The following TMEM8B variants were observed in gnomAD, a reference collection of about 807,000 sequenced individuals.
TMEM8B encodes the protein nasopharyngeal carcinoma expressed 6.
Under a neutral mutation model 49.3 loss-of-function variants are expected in TMEM8B, and 29 were observed. The ratio of observed to expected loss-of-function variants is 0.59; its 90% CI spans 0.44 to 0.80. The LOEUF is 0.80. Ranked by LOEUF, TMEM8B falls within the 30% of genes least tolerant of loss-of-function variation. The probability of loss-of-function intolerance (pLI) is 0.00; values close to 1 mark genes in which losing one functional copy is unlikely to be tolerated. For synonymous variants in TMEM8B, 264 were observed against 272.8 expected, an observed-to-expected ratio of 0.97 and a Z score of 0.32; for missense variants, 575 against 658.5, an observed-to-expected ratio of 0.87 and a Z score of 1.39.
intron 1 of TMEM8B, among the ~76,000 whole-genome samples, chr9:35,834,099 T>G (rs1830200858): frequency 1.3e-5 from 2 of 151,276 alleles, no homozygotes; most frequent in Admixed American, 1.3e-4. Context: ...TTTTTAGGTT[T>G]GGTAAGTGGA....
chr9:35,842,697 C>T lies in TMEM8B; in HGVS notation c.1615C>T (p.Leu539=), dbSNP rs201144289. The T allele has an allele frequency of 8.7e-6, 14 of 1,613,324 alleles. No homozygotes were observed. The Admixed American group carries it at 1.7e-4, about 19-fold the overall frequency. ...PVLDSGGVLS[L]ELQLNASSVR... is the part of the protein sequence containing the mutation. ...GCTGGACAGTGGAGGCGTCCTCAGC[C>T]TGGAGCTCCAGCTCAATGCGGTACT... The change falls in exon 6 of 13, where the codon CTG becomes TTG. Residue 539 remains leucine (L), a synonymous_variant. Transcript: ENST00000643932. This position sits in a 1 kb window ranked among gnomAD's most constrained non-coding sequence, Gnocchi z 5.6.
chr9:35,846,003 T>C lies in TMEM8B; in HGVS notation c.1664T>C (p.Val555Ala). 2 of 1,613,388 alleles carry C rather than the reference T, an allele frequency of 1.2e-6. No homozygotes were observed. Among genetic ancestry groups the C allele is most frequent in the East Asian group, 4.5e-5 (2 of 44,848 alleles). Reference protein sequence around the residue: ...ASSVRQENVTVFGCLTHEVPL... With the variant: ...ASSVRQENVTAFGCLTHEVPL... Reference sequence around the variant, plus strand: ...TCCGTGCGCCAGGAAAACGTGACGGTGTTTGGATGCTTGACTCACGAGGTG... The same window carrying C: ...TCCGTGCGCCAGGAAAACGTGACGGCGTTTGGATGCTTGACTCACGAGGTG... The change falls in exon 7 of 13, where the codon GTG (valine) becomes GCG (alanine). Residue 555 changes from valine to alanine, a missense_variant. Transcript: ENST00000643932.
In TMEM8B at chr9:35,861,343, G is replaced by A. The variant is rs1025232459; in HGVS notation, c.*7503G>A. The A allele has an allele frequency of 6.6e-6, 1 of 152,400 alleles. No individual in the cohort carries two copies. The highest frequency in any genetic ancestry group is 2.4e-5 in the African/African-American group (1 of 41,442). The allele number at this position is 152,400 out of a possible 1,614,324, so 9.4% of individuals were successfully genotyped here. On this transcript the variant is annotated 3_prime_UTR_variant, in exon 13 of 13. Coordinates refer to ENST00000643932, the MANE Select transcript of TMEM8B (RefSeq NM_001042590.4). ...CGTGTCCTCCCGCCCATCCCCAGTGGGGGGTGTTCTGCCCATTCTCCAGAG... is the reference window on the plus strand; with the variant it reads ...CGTGTCCTCCCGCCCATCCCCAGTGAGGGGTGTTCTGCCCATTCTCCAGAG...
In TMEM8B at chr9:35,841,577, G is replaced by C. The variant is rs560471392; in HGVS notation, c.1092G>C (p.Val364=). Residue 364 remains valine (V), a synonymous_variant, in exon 5 of 13, where the codon GTG becomes GTC. Transcript: ENST00000643932. The surrounding 1 kb of genome is among the most constrained non-coding windows in gnomAD (Gnocchi z 5.9). Reference sequence around the variant, plus strand: ...GGGTTTCAGCACAGCTGGTGTGTGTGGGGGGCCGTGGGGTATCTGCCTGCC... The same window carrying C: ...GGGTTTCAGCACAGCTGGTGTGTGTCGGGGGCCGTGGGGTATCTGCCTGCC... The part of the protein sequence containing the change: ...TYRVSAQLVC[V]GGRGVSACPL... 2.2e-5 allele frequency: 9 copies of C among 416,708 alleles called. No homozygotes were observed. The South Asian group carries it at 1.0e-3, about 46-fold the overall frequency. 25.8% of individuals were successfully genotyped at this position (416,708 alleles called of 1,614,324 possible).
rs1419473215 is a variant in TMEM8B at position 35,857,702 on chromosome 9, T to G, written c.*3862T>G. On this transcript the variant is annotated 3_prime_UTR_variant, in exon 13 of 13. Transcript: ENST00000643932. ...ACCAAAGTAACAGAACCACTATGAG[T>G]GATAAAAAGATTAGACCTTTACAGT... 3 of 152,058 alleles carry G rather than the reference T, an allele frequency of 2.0e-5. No homozygotes were observed. Among genetic ancestry groups the G allele is most frequent in the Non-Finnish European group, 4.4e-5 (3 of 68,012 alleles). 9.4% of individuals were successfully genotyped at this position (152,058 alleles called of 1,614,324 possible).
At chr9:35,844,730 C>T (rs986123918) in intron 6 of TMEM8B, among the ~76,000 whole-genome samples, 6 of 152,238 alleles carry the variant, frequency 3.9e-5, no homozygotes, top group Non-Finnish European at 5.9e-5. Flanking sequence ...GTTCTTTCTT[C>T]CTCAGTACCC....
At position 35,853,750 on chromosome 9, in the gene TMEM8B, C is replaced by T; in HGVS notation, c.2685C>T (p.Gly895=). Residue 895 remains glycine (G), a synonymous_variant, in exon 13 of 13, where the codon GGC becomes GGT. Transcript: ENST00000643932. This position sits in a 1 kb window ranked among gnomAD's most constrained non-coding sequence, Gnocchi z 4.2. ...HGVPSGARAR[G]CGYQLCINEQ... ...TCCCATCTGGAGCCCGGGCCCGGGG[C>T]TGTGGTTACCAGCTATGCATCAACG... 1.2e-6 allele frequency: 2 copies of T among 1,611,740 alleles called. No homozygotes were observed. The highest frequency in any genetic ancestry group is 1.7e-6 in the Non-Finnish European group (2 of 1,178,540).
At chr9:35,846,154 G>A (rs1831525389) in intron 7 of TMEM8B, 86 bp downstream of exon 7, 1 of 1,607,952 alleles carries the variant, frequency 6.2e-7, no homozygotes, top group African/African-American at 1.3e-5. Context: ...GGGATGGAAT[G>A]GAGGAATGAT....
intron 7 of TMEM8B, 65 bp from the exon 8 acceptor site, chr9:35,846,193 G>T: frequency 6.2e-7 from 1 of 1,608,354 alleles, no homozygotes; most frequent in Non-Finnish European, 8.5e-7. Context: ...GTGGGAGCAG[G>T]TGGGTGAGGG....
At chr9:35,833,818 G>A (rs1428399470) in intron 1 of TMEM8B, among the ~76,000 whole-genome samples, 1 of 152,102 alleles carries the variant, frequency 6.6e-6, no homozygotes, top group Non-Finnish European at 1.5e-5. Context: ...GCAGGCCCCT[G>A]GCAGCCGTAC....
In TMEM8B at chr9:35,829,535, C is replaced by T. The variant is rs564301843; in HGVS notation, c.88C>T (p.Pro30Ser). 111 of 390,408 alleles carry T rather than the reference C, an allele frequency of 2.8e-4. No individual in the cohort carries two copies. Among genetic ancestry groups the T allele is most frequent in the South Asian group, 5.2e-4 (4 of 7,732 alleles). 24.2% of individuals were successfully genotyped at this position (390,408 alleles called of 1,614,324 possible). Reference sequence around the variant, plus strand: ...GCCCTCGCCCCGCTTCCCACATCGGCCCCAGCCCCTGCCTGGGTCCCCATC... The same window carrying T: ...GCCCTCGCCCCGCTTCCCACATCGGTCCCAGCCCCTGCCTGGGTCCCCATC... ...APPSPRFPHR[P>S]QPLPGSPSRT... The change falls in exon 1 of 13, where the codon CCC becomes TCC. Residue 30 changes from proline (P) to serine (S), a missense_variant. By Grantham distance (74) the Pro-to-Ser change is moderately conservative. Coordinates refer to ENST00000643932, the MANE Select transcript of TMEM8B (RefSeq NM_001042590.4).
chr9:35,842,601 A>G lies in TMEM8B; in HGVS notation c.1519A>G (p.Ile507Val), dbSNP rs753914331. 1 of 1,614,142 alleles carries G rather than the reference A, an allele frequency of 6.2e-7. No individual in the cohort carries two copies. The highest frequency in any genetic ancestry group is 8.5e-7 in the Non-Finnish European group (1 of 1,180,020). Residue 507 changes from isoleucine to valine, a missense_variant, in exon 6 of 13, where the codon ATC (isoleucine) becomes GTC (valine). Physicochemically the swap from Ile to Val is conservative, Grantham distance 29. Transcript: ENST00000643932. This position sits in a 1 kb window ranked among gnomAD's most constrained non-coding sequence, Gnocchi z 5.6. The part of the protein sequence containing the change: ...ELDTFSVHFY[I>V]FFGPSVALPP... ...GGACACCTTCTCTGTCCACTTCTAC[A>G]TCTTCTTTGGCCCAAGTGTGGCCCT...
Position 35,834,260 on chromosome 9 carries a change from G to GT in TMEM8B, c.509-192dup, listed in dbSNP as rs145575949. On this transcript the variant is annotated intron_variant, in intron 1 of 12. Coordinates refer to ENST00000643932, the MANE Select transcript of TMEM8B (RefSeq NM_001042590.4). Reference sequence around the variant, plus strand: ...GGAGGGTTTTTTTGTTTTTGTTTTTGTTTTTTTTTAAATAAGATTAACGTA... The same window carrying GT: ...GGAGGGTTTTTTTGTTTTTGTTTTTGTTTTTTTTTTAAATAAGATTAACGTA... Among the ~76,000 whole-genome samples the GT allele has an allele frequency of 2.2e-3, 331 of 150,972 alleles. 7 individuals carry two copies. The East Asian group carries it at 0.051, about 23-fold the overall frequency.
intron 1 of TMEM8B, among the ~76,000 whole-genome samples, chr9:35,831,250 G>T (rs1829864633): frequency 6.6e-6 from 1 of 152,078 alleles, no homozygotes; most frequent in Admixed American, 6.5e-5. Context: ...ATGTGTGTGG[G>T]GTGCATGTGA....
At position 35,853,424 on chromosome 9, in the gene TMEM8B, A is replaced by T; in HGVS notation, c.2440-81A>T. ...TGTCTTTAGGTCACAACCAGGATACAGAGGAAACCTGAGAGTGACCAGCTC... is the reference window on the plus strand; with the variant it reads ...TGTCTTTAGGTCACAACCAGGATACTGAGGAAACCTGAGAGTGACCAGCTC... On this transcript the variant is annotated intron_variant, in intron 12 of 12. Transcript: ENST00000643932. The surrounding 1 kb of genome is among the most constrained non-coding windows in gnomAD (Gnocchi z 4.2). 6.5e-7 allele frequency: 1 copy of T among 1,537,308 alleles called. No individual in the cohort carries two copies. Among genetic ancestry groups the T allele is most frequent in the South Asian group, 1.2e-5 (1 of 80,688 alleles).
chr9:35,839,259 C>G (rs1830734517), intron 3 of TMEM8B, among the ~76,000 whole-genome samples: 1 of 152,204 alleles, frequency 6.6e-6, no homozygotes, highest in Non-Finnish European at 1.5e-5. Flanking sequence ...AGCCTGTAGC[C>G]CATCCACATC....
In TMEM8B at chr9:35,829,747, C is replaced by T; in HGVS notation, c.300C>T (p.Ser100=). The change falls in exon 1 of 13, where the codon TCC becomes TCT. Residue 100 remains serine (S), a synonymous_variant. Transcript: ENST00000643932. The part of the protein sequence containing the change: ...SPSQPFLPSH[S]LPLFKPQCPA... The stretch of plus-strand genomic sequence containing the variant: ...CACAGCCCTTCCTTCCATCCCACTC[C>T]CTGCCCTTGTTCAAGCCCCAGTGTC... 1 of 412,970 alleles carries T rather than the reference C, an allele frequency of 2.4e-6. No individual in the cohort carries two copies. The allele number at this position is 412,970 out of a possible 1,614,324, so 25.6% of individuals were successfully genotyped here.
intron 3 of TMEM8B, among the ~76,000 whole-genome samples, chr9:35,840,787 G>A (rs1830906693): frequency 6.6e-6 from 1 of 152,208 alleles, no homozygotes; most frequent in South Asian, 2.1e-4. Context: ...GGGCTGGTTG[G>A]AGATCACAGT....
rs1432688651 is a variant in TMEM8B, at chr9:35,846,262, C to G, written c.1734C>G (p.Ser578=). The G allele has an allele frequency of 1.2e-6, 2 of 1,614,190 alleles. No individual in the cohort carries two copies. The highest frequency in any genetic ancestry group is 2.2e-5 in the South Asian group (2 of 91,080). ...GDAAVTCSKE[S]LAGFLLSVSA... is the part of the protein sequence containing the mutation. ...ACTCCTTCCTTCTCCCTTCAGAGTC[C>G]CTGGCCGGCTTCCTCCTCTCTGTCA... The change falls in exon 8 of 13, where the codon TCC becomes TCG. Residue 578 remains serine (S), a synonymous_variant. Coordinates refer to ENST00000643932, the MANE Select transcript of TMEM8B (RefSeq NM_001042590.4).
Sources: gnomAD v4.1 joint callset for allele counts (sites outside exome capture counted in the v4.1 genomes callset) on GRCh38, gnomAD v4.1.1 for gene constraint, Gnocchi (gnomAD v3.1) non-coding constraint, MANE v1.5 for transcripts, NCBI Gene and HGNC (gene_info 2026-07-23, HGNC 2026-07-21) for gene names.